The following PDE8A variants were observed in gnomAD, a reference collection of about 807,000 sequenced individuals.
PDE8A encodes high affinity cAMP-specific and IBMX-insensitive 3',5'-cyclic phosphodiesterase 8A.
A neutral mutation model predicts 105.0 loss-of-function variants in PDE8A; 59 were observed. That is an observed-to-expected ratio of 0.56 (90% CI 0.46 to 0.70). The LOEUF is 0.70. Ranked by LOEUF, PDE8A falls within the 30% of genes least tolerant of loss-of-function variation. PDE8A has a pLI of 0.00. For synonymous variants in PDE8A, 355 were observed against 371.9 expected (o/e 0.95, Z 0.52); for missense variants, 1,014 against 1,045.9 (o/e 0.97, Z 0.42).
Position 85,113,465 on chromosome 15 carries a change from C to T in PDE8A, c.1185+18C>T. ...TCACCAAGGTGAAGCAGTTTGTGGT[C>T]TGTCTCCATTGAGCACACATACTCC... On this transcript the variant is annotated intron_variant, in intron 13 of 21. Transcript: ENST00000394553. 6.2e-7 allele frequency: 1 copy of T among 1,602,862 alleles called. No individual in the cohort carries two copies.
At chr15:85,019,943 GTTTTTTTTTTTTTTTT>G (rs201634002) in intron 1 of PDE8A, among the ~76,000 whole-genome samples, 2 of 64,772 alleles carry the variant, frequency 3.1e-5, no homozygotes, top group Non-Finnish European at 2.7e-5. Context: ...TTTTTTTTTG[GTTTTTTTTTTTTTTTT>G]TTTTTTTTTT....
At chr15:85,064,447 A>G (rs759190625) in intron 2 of PDE8A, 21 bp downstream of exon 2, 9 of 1,528,912 alleles carry the variant, frequency 5.9e-6, no homozygotes, top group South Asian at 1.1e-5. Context: ...ACGATGCTGT[A>G]TTTTTCACAT....
At chr15:85,128,052 C>CA (rs61221393) in intron 20 of PDE8A, among the ~76,000 whole-genome samples, 8,344 of 56,072 alleles carry the variant, frequency 0.15, 704 homozygotes, top group African/African-American at 0.2. Flanking sequence ...TATTCCTATG[C>CA]AAAAAAAAAA....
At chr15:85,018,787 A>T (rs899772303) in intron 1 of PDE8A, among the ~76,000 whole-genome samples, 2 of 152,196 alleles carry the variant, frequency 1.3e-5, no homozygotes, top group African/African-American at 2.4e-5. Context: ...TTATATGAAT[A>T]TGTACTTATT....
intron 1 of PDE8A, among the ~76,000 whole-genome samples, chr15:84,982,551 T>C (rs2079733843): frequency 6.6e-6 from 1 of 152,116 alleles, no homozygotes; most frequent in Non-Finnish European, 1.5e-5. Flanking sequence ...GCGACCCTGA[T>C]TTCCTAGGGT....
At chr15:85,037,996 T>C (rs965972689) in intron 1 of PDE8A, among the ~76,000 whole-genome samples, 4 of 152,212 alleles carry the variant, frequency 2.6e-5, no homozygotes, top group African/African-American at 9.6e-5. Context: ...ACTCTTGAAA[T>C]AGAAGATACT....
At chr15:85,100,245 A>G (rs758721437) in intron 11 of PDE8A, 47 bp downstream of exon 11, 11 of 1,492,202 alleles carry the variant, frequency 7.4e-6, no homozygotes, top group South Asian at 5.8e-5. Context: ...GTTTTTGGAG[A>G]AAAAAAATAA....
chr15:85,110,421 C>G (rs2082004511), intron 12 of PDE8A, among the ~76,000 whole-genome samples: 1 of 152,040 alleles, frequency 6.6e-6, no homozygotes, highest in Non-Finnish European at 1.5e-5. Context: ...ATGTAGTCAC[C>G]ACCCAAAATA....
chr15:85,033,067 A>G (rs2080642108), intron 1 of PDE8A, among the ~76,000 whole-genome samples: 1 of 152,226 alleles, frequency 6.6e-6, no homozygotes, highest in Admixed American at 6.5e-5. Context: ...ATCTTTGAAG[A>G]AATTGGGAGA....
chr15:84,993,712 T>C (rs2079929069), intron 1 of PDE8A, among the ~76,000 whole-genome samples: 1 of 149,476 alleles, frequency 6.7e-6, no homozygotes, highest in South Asian at 2.1e-4. Context: ...AGACCCCCAT[T>C]CTCTATAAAA....
intron 5 of PDE8A, among the ~76,000 whole-genome samples, chr15:85,083,211 T>C (rs111515081): frequency 1.3e-5 from 2 of 152,232 alleles, no homozygotes; most frequent in African/African-American, 4.8e-5. Context: ...AGTAGGACTT[T>C]AGTTAATGAA....
chr15:85,008,159 C>G (rs1452157850), intron 1 of PDE8A, among the ~76,000 whole-genome samples: 1 of 151,962 alleles, frequency 6.6e-6, no homozygotes, highest in Non-Finnish European at 1.5e-5. Context: ...CTGGCTCCCT[C>G]TAATAGGGAG....
At chr15:85,079,811 G>T (rs968248000) in intron 5 of PDE8A, among the ~76,000 whole-genome samples, 10 of 152,154 alleles carry the variant, frequency 6.6e-5, no homozygotes, top group African/African-American at 2.4e-4. Flanking sequence ...TACTCAGGAG[G>T]CTGAAGAAGG....
At chr15:85,121,647 T>G (rs2141623836) in intron 18 of PDE8A, among the ~76,000 whole-genome samples, 1 of 151,782 alleles carries the variant, frequency 6.6e-6, no homozygotes, top group Middle Eastern at 3.4e-3. Context: ...AATAATAACA[T>G]GTACAGTGGT....
At chr15:84,986,158 T>G (rs1171368206) in intron 1 of PDE8A, among the ~76,000 whole-genome samples, 2 of 152,076 alleles carry the variant, frequency 1.3e-5, no homozygotes, top group Non-Finnish European at 2.9e-5. Context: ...GGTAAGAAGT[T>G]CAAGGTTGCT....
chr15:85,109,565 T>C (rs746564105), intron 12 of PDE8A, among the ~76,000 whole-genome samples: 6 of 152,246 alleles, frequency 3.9e-5, no homozygotes, highest in Non-Finnish European at 5.9e-5. Flanking sequence ...AATTGAAATA[T>C]ACTTTTTAAA....
intron 1 of PDE8A, among the ~76,000 whole-genome samples, chr15:84,983,280 C>G (rs1439968649): frequency 6.6e-6 from 1 of 152,228 alleles, no homozygotes; most frequent in Admixed American, 6.5e-5. Flanking sequence ...ACAACAACAA[C>G]AAAATTCGTG....
Position 85,086,598 on chromosome 15 carries a change from C to T in PDE8A, c.636-2740C>T, listed in dbSNP as rs369542381. Among the ~76,000 whole-genome samples the T allele has an allele frequency of 4.6e-5, 7 of 152,016 alleles. No individual in the cohort carries two copies. The East Asian group carries it at 9.6e-4, about 21-fold the overall frequency. Reference sequence around the variant, plus strand: ...AGATGTTCAACCTCACTAATAAAGACATGCAAATGATTTAACATTTTTTTA... The same window carrying T: ...AGATGTTCAACCTCACTAATAAAGATATGCAAATGATTTAACATTTTTTTA... On this transcript the variant is annotated intron_variant, in intron 6 of 21. Coordinates refer to ENST00000394553, the MANE Select transcript of PDE8A (RefSeq NM_002605.3).
At chr15:85,075,260 G>T (rs1183261228) in intron 3 of PDE8A, among the ~76,000 whole-genome samples, 1 of 152,208 alleles carries the variant, frequency 6.6e-6, no homozygotes, top group African/African-American at 2.4e-5. Context: ...ACAGTCTCTT[G>T]TACTTTTCTA....
Sources: gnomAD v4.1 joint callset for allele counts (sites outside exome capture counted in the v4.1 genomes callset) on GRCh38, gnomAD v4.1.1 for gene constraint, MANE v1.5 for transcripts, NCBI Gene and HGNC (gene_info 2026-07-23, HGNC 2026-07-21) for gene names.